Variants in PXK observed in about 807,000 individuals in gnomAD.
PXK encodes PX domain containing serine/threonine kinase like, also known as PX domain-containing protein kinase-like protein.
In PXK, 35 loss-of-function variants were observed where a neutral mutation model predicts 84.7. The observed-to-expected ratio is 0.41, with a 90% CI of 0.32 to 0.55. The LOEUF (loss-of-function observed/expected upper bound fraction) is 0.55, where lower values mean the gene tolerates loss of function less well. Ranked by LOEUF, PXK falls within the 20% of genes least tolerant of loss-of-function variation. The probability of loss-of-function intolerance (pLI) is 0.21; values close to 1 mark genes in which losing one functional copy is unlikely to be tolerated. For missense variants in PXK, 634 were observed against 699.7 expected, an observed-to-expected ratio of 0.91 and a Z score of 1.06; for synonymous variants, 253 against 260.8, an observed-to-expected ratio of 0.97 and a Z score of 0.29.
intron 3 of PXK, among the ~76,000 whole-genome samples, chr3:58,381,555 C>A (rs375902333): frequency 0.01 from 1,231 of 120,652 alleles, no homozygotes; most frequent in Non-Finnish European, 0.011. Context: ...AATAGAAAAC[C>A]AAAAAAAAAA....
At chr3:58,386,256 G>C (rs1331402545) in intron 4 of PXK, among the ~76,000 whole-genome samples, 1 of 138,648 alleles carries the variant, frequency 7.2e-6, no homozygotes, top group African/African-American at 2.7e-5. Context: ...AGAAGTTTGT[G>C]TTGAGAATCT....
At position 58,407,002 on chromosome 3, in the gene PXK, G is replaced by C. The variant is rs2059508729; in HGVS notation, c.1231-1922G>C. On this transcript the variant is annotated intron_variant, in intron 13 of 17. Transcript: ENST00000356151. The surrounding 1 kb of genome is among the most constrained non-coding windows in gnomAD (Gnocchi z 4.3). ...GCTGCTTTTACCTCTTGTCTGTCAT[G>C]AATAATGCTGCAGTGAACATGGGTG... 6.6e-6 allele frequency among the ~76,000 whole-genome samples: 1 copy of C among 152,144 alleles called. No individual in the cohort carries two copies. The highest frequency in any genetic ancestry group is 1.5e-5 in the Non-Finnish European group (1 of 68,034).
intron 17 of PXK, chr3:58,423,192 TG>T (rs1311940236): frequency 5.1e-6 from 5 of 984,564 alleles, no homozygotes; most frequent in African/African-American, 1.7e-5. Flanking sequence ...TCATCACACA[TG>T]CTTATTCTCC....
chr3:58,396,144 C>A (rs1187928070), intron 9 of PXK, among the ~76,000 whole-genome samples: 1 of 152,124 alleles, frequency 6.6e-6, no homozygotes, highest in Non-Finnish European at 1.5e-5. Context: ...CGACATCACC[C>A]TCTAGATCAG....
At position 58,416,965 on chromosome 3, in the gene PXK, C is replaced by T. The variant is rs1021309362; in HGVS notation, c.1528+4002C>T. 1.3e-5 allele frequency among the ~76,000 whole-genome samples: 2 copies of T among 152,174 alleles called. No homozygotes were observed. The highest frequency in any genetic ancestry group is 4.8e-5 in the African/African-American group (2 of 41,444). On this transcript the variant is annotated intron_variant, in intron 17 of 17. Transcript: ENST00000356151. The surrounding 1 kb of genome is among the most constrained non-coding windows in gnomAD (Gnocchi z 4.8). ...CTGGCCAGCCCATGCTTAGGCTGTT[C>T]TTCCTTGCAGAACTGGAGGTCGGTC...
chr3:58,396,934 C>A, intron 9 of PXK, 105 bp from the exon 10 acceptor site: 1 of 1,200,500 alleles, frequency 8.3e-7, no homozygotes, highest in Non-Finnish European at 1.2e-6. Context: ...TCTCAGTGAC[C>A]TGTTTGGTTT....
Position 58,390,759 on chromosome 3 carries a change from A to G in PXK, c.466+100A>G, listed in dbSNP as rs1224783177. 8.8e-7 allele frequency: 1 copy of G among 1,140,860 alleles called. No individual in the cohort carries two copies. The highest frequency in any genetic ancestry group is 2.5e-5 in the East Asian group (1 of 40,250). 70.7% of individuals were successfully genotyped at this position (1,140,860 alleles called of 1,614,324 possible). On this transcript the variant is annotated intron_variant, in intron 5 of 17. Transcript: ENST00000356151. This position sits in a 1 kb window ranked among gnomAD's most constrained non-coding sequence, Gnocchi z 4.2. ...GTATCCCAGGAACATGCTTAAATGC[A>G]GGTGACTTCTTTTTCTTTTTGCATA...
Position 58,415,927 on chromosome 3 carries a change from C to CA in PXK, c.1528+2965dup, listed in dbSNP as rs377577823. ...GGACATCTTGGGGGTAGGGGGTGCT[C>CA]ACAGGTAGATTCAGAGATCTGACTT... On this transcript the variant is annotated intron_variant, in intron 17 of 17. Coordinates refer to ENST00000356151, the MANE Select transcript of PXK (RefSeq NM_017771.5). Among the ~76,000 whole-genome samples the CA allele has an allele frequency of 6.9e-4, 105 of 152,284 alleles. 1 individual carries two copies. Among genetic ancestry groups the CA allele is most frequent in the African/African-American group, 2.2e-3 (93 of 41,558 alleles).
Position 58,421,043 on chromosome 3 carries a change from T to C in PXK, c.1529-3709T>C. 3 of 1,002,214 alleles carry C rather than the reference T, an allele frequency of 3.0e-6. No homozygotes were observed. Among genetic ancestry groups the C allele is most frequent in the Non-Finnish European group, 3.6e-6 (3 of 840,648 alleles). The allele number at this position is 1,002,214 out of a possible 1,614,324, so 62.1% of individuals were successfully genotyped here. On this transcript the variant is annotated intron_variant, in intron 17 of 17. Coordinates refer to ENST00000356151, the MANE Select transcript of PXK (RefSeq NM_017771.5). This position sits in a 1 kb window ranked among gnomAD's most constrained non-coding sequence, Gnocchi z 5.5. ...GTTCTTTTGTAAGCATCCTTTATAATTCTCGAGCTGTGACAGGAGTACAGC... is the reference window on the plus strand; with the variant it reads ...GTTCTTTTGTAAGCATCCTTTATAACTCTCGAGCTGTGACAGGAGTACAGC...
rs1321647066 is a variant in PXK at position 58,397,762 on chromosome 3, G to C, written c.1102+40G>C. 1.3e-6 allele frequency: 2 copies of C among 1,502,378 alleles called. No homozygotes were observed. The highest frequency in any genetic ancestry group is 1.9e-6 in the Non-Finnish European group (2 of 1,079,846). 93.1% of individuals were successfully genotyped at this position (1,502,378 alleles called of 1,614,324 possible). On this transcript the variant is annotated intron_variant, in intron 11 of 17. Coordinates refer to ENST00000356151, the MANE Select transcript of PXK (RefSeq NM_017771.5). The surrounding 1 kb of genome is among the most constrained non-coding windows in gnomAD (Gnocchi z 4.7). The stretch of plus-strand genomic sequence containing the variant: ...GGGAAGGGTCTTCTGGGCCCTAGTA[G>C]TGTGCAGAGCCACTCATCCCCTTTC...
intron 2 of PXK, 141 bp downstream of exon 2, chr3:58,366,065 T>TAAGCTTTAAGTTTAAA: frequency 1.4e-6 from 1 of 739,480 alleles, no homozygotes; most frequent in Non-Finnish European, 2.1e-6. Context: ...TATAAACTTT[T>TAAGCTTTAAGTTTAAA]AGCTTTAAGA....
chr3:58,408,594 C>G (rs2059727157), intron 13 of PXK, among the ~76,000 whole-genome samples: 1 of 151,298 alleles, frequency 6.6e-6, no homozygotes, highest in Non-Finnish European at 1.5e-5. Flanking sequence ...GTGATCTCGG[C>G]TCTCTGCAAG....
intron 2 of PXK, among the ~76,000 whole-genome samples, chr3:58,366,799 G>A (rs1309665882): frequency 6.6e-6 from 1 of 152,158 alleles, no homozygotes; most frequent in African/African-American, 2.4e-5. Flanking sequence ...AATGTCCTAT[G>A]TGGTAGTATT....
At chr3:58,334,119 A>G (rs2097546283) in intron 1 of PXK, among the ~76,000 whole-genome samples, 1 of 152,174 alleles carries the variant, frequency 6.6e-6, no homozygotes, top group South Asian at 2.1e-4. Context: ...AGCTCACAAT[A>G]GCCTTCTGTT....
intron 4 of PXK, among the ~76,000 whole-genome samples, chr3:58,387,440 G>C (rs12489103): frequency 0.76 from 114,912 of 152,154 alleles, 43,631 homozygotes; most frequent in South Asian, 0.82. Flanking sequence ...AATTTCCCCA[G>C]TTCCTACTCC....
chr3:58,425,077 C>A lies in PXK; in HGVS notation c.*117C>A. Reference sequence around the variant, plus strand: ...TGAGCCAGTACAGCCACAAACAGTACTATTTTGCAGATGCTCATGTAAGCA... The same window carrying A: ...TGAGCCAGTACAGCCACAAACAGTAATATTTTGCAGATGCTCATGTAAGCA... On this transcript the variant is annotated 3_prime_UTR_variant, in exon 18 of 18. Coordinates refer to ENST00000356151, the MANE Select transcript of PXK (RefSeq NM_017771.5). The A allele has an allele frequency of 7.0e-7, 1 of 1,422,834 alleles. No individual in the cohort carries two copies. Among genetic ancestry groups the A allele is most frequent in the Non-Finnish European group, 9.4e-7 (1 of 1,063,014 alleles). 88.1% of individuals were successfully genotyped at this position (1,422,834 alleles called of 1,614,324 possible). A position where few individuals can be genotyped will look rare whatever the true frequency, so the allele number is the denominator to read the frequency against.
At chr3:58,415,165 G>C (rs1314003222) in intron 17 of PXK, among the ~76,000 whole-genome samples, 1 of 152,162 alleles carries the variant, frequency 6.6e-6, no homozygotes, top group African/African-American at 2.4e-5. Flanking sequence ...GTGGGGGAGT[G>C]GTTCTGTCCA....
chr3:58,392,106 T>A (rs1383771506), intron 7 of PXK, among the ~76,000 whole-genome samples: 1 of 152,226 alleles, frequency 6.6e-6, no homozygotes, highest in African/African-American at 2.4e-5. Context: ...GGGAAGCAGC[T>A]ACTTCTCCCA....
intron 17 of PXK, chr3:58,420,397 A>G: frequency 9.2e-7 from 1 of 1,085,314 alleles, no homozygotes; most frequent in Non-Finnish European, 1.3e-6. Context: ...ATTTGAGTAT[A>G]TCCTAGTTTC....
Sources: gnomAD v4.1 joint callset for allele counts (sites outside exome capture counted in the v4.1 genomes callset) on GRCh38, gnomAD v4.1.1 for gene constraint, Gnocchi (gnomAD v3.1) non-coding constraint, MANE v1.5 for transcripts, NCBI Gene and HGNC (gene_info 2026-07-23, HGNC 2026-07-21) for gene names.